MTUS2: variants seen among roughly 807,000 people sequenced by gnomAD.
The protein encoded by MTUS2 is microtubule associated scaffold protein 2.
Under a neutral mutation model 114.1 loss-of-function variants are expected in MTUS2, and 40 were observed. The ratio of observed to expected loss-of-function variants is 0.35; its 90% CI spans 0.27 to 0.46. MTUS2 has a LOEUF of 0.46. MTUS2 is among the 20% of genes least tolerant of loss of function. MTUS2 has a pLI of 1.00. For synonymous variants in MTUS2, 688 were observed against 672.0 expected, an observed-to-expected ratio of 1.02 and a Z score of -0.37; for missense variants, 1,679 against 1,705.4, an observed-to-expected ratio of 0.98 and a Z score of 0.27.
At chr13:28,844,186 G>T (rs1329347853) in intron 2 of MTUS2, among the ~76,000 whole-genome samples, 1 of 152,192 alleles carries the variant, frequency 6.6e-6, no homozygotes, top group Non-Finnish European at 1.5e-5. Flanking sequence ...GTGATTTCCT[G>T]GGGCAGAAGC....
chr13:29,147,763 A>G (rs1892496716), intron 5 of MTUS2, among the ~76,000 whole-genome samples: 4 of 152,214 alleles, frequency 2.6e-5, no homozygotes, highest in Non-Finnish European at 4.4e-5. Flanking sequence ...TGCAAAGGAC[A>G]TGATTCTGTT....
chr13:28,848,302 G>A (rs1876021858), intron 2 of MTUS2, among the ~76,000 whole-genome samples: 1 of 152,162 alleles, frequency 6.6e-6, no homozygotes, highest in Non-Finnish European at 1.5e-5. Flanking sequence ...AAACACAGAG[G>A]TGGGACTCAC....
At chr13:29,121,461 G>A (rs1302489060) in intron 5 of MTUS2, among the ~76,000 whole-genome samples, 1 of 146,846 alleles carries the variant, frequency 6.8e-6, no homozygotes, top group Admixed American at 6.8e-5. Context: ...ACACACACAT[G>A]CAAGAGATAG....
intron 2 of MTUS2, among the ~76,000 whole-genome samples, chr13:29,007,648 C>T (rs539259592): frequency 1.3e-5 from 2 of 152,210 alleles, no homozygotes; most frequent in East Asian, 1.9e-4. Context: ...GCCTACTCAA[C>T]GTGAAGATGA....
At chr13:29,389,547 G>C (rs540406763) in intron 8 of MTUS2, among the ~76,000 whole-genome samples, 1 of 95,152 alleles carries the variant, frequency 1.1e-5, no homozygotes, top group African/African-American at 4.4e-5. Context: ...GTGTGTATAT[G>C]TATACACGTG....
chr13:28,918,575 T>A (rs2138042943), intron 2 of MTUS2, among the ~76,000 whole-genome samples: 1 of 152,104 alleles, frequency 6.6e-6, no homozygotes, highest in Non-Finnish European at 1.5e-5. Flanking sequence ...AAGTGTGGTT[T>A]TTTTGTGTGT....
At chr13:28,841,980 C>T (rs747477271) in intron 2 of MTUS2, among the ~76,000 whole-genome samples, 5 of 152,168 alleles carry the variant, frequency 3.3e-5, no homozygotes, top group South Asian at 2.1e-4. Context: ...CCACCGCGCC[C>T]GGCCAAAGTT....
intron 7 of MTUS2, among the ~76,000 whole-genome samples, chr13:29,341,908 T>C (rs1192754955): frequency 4.6e-5 from 7 of 152,152 alleles, no homozygotes; most frequent in Non-Finnish European, 1.0e-4. Context: ...GAATAGGGTG[T>C]CCTTTCTCCA....
intron 3 of MTUS2, among the ~76,000 whole-genome samples, chr13:29,031,970 G>C (rs1006074858): frequency 6.6e-6 from 1 of 151,994 alleles, no homozygotes; most frequent in African/African-American, 2.4e-5. Context: ...TGAAATCATA[G>C]GGTTCTTTTG....
intron 2 of MTUS2, among the ~76,000 whole-genome samples, chr13:28,937,340 A>G (rs1881960435): frequency 6.6e-6 from 1 of 151,500 alleles, no homozygotes; most frequent in South Asian, 2.1e-4. Flanking sequence ...AAATGGACCA[A>G]TCAGTGCTCT....
chr13:29,471,546 T>C (rs1211023221), intron 9 of MTUS2, among the ~76,000 whole-genome samples: 1 of 152,098 alleles, frequency 6.6e-6, no homozygotes, highest in East Asian at 1.9e-4. Context: ...CAACTGTCCT[T>C]GCCCACTGCT....
At chr13:29,162,450 G>C (rs1893139516) in intron 5 of MTUS2, among the ~76,000 whole-genome samples, 1 of 152,130 alleles carries the variant, frequency 6.6e-6, no homozygotes, top group Non-Finnish European at 1.5e-5. Context: ...GCAAAGAGCA[G>C]AATCTCACTA....
At chr13:29,304,259 A>T (rs1899336995) in intron 6 of MTUS2, among the ~76,000 whole-genome samples, 1 of 152,200 alleles carries the variant, frequency 6.6e-6, no homozygotes, top group Non-Finnish European at 1.5e-5. Context: ...AACTAGCATC[A>T]TGATGACAGG....
chr13:29,164,251 C>T (rs1447939645), intron 5 of MTUS2, among the ~76,000 whole-genome samples: 1 of 152,228 alleles, frequency 6.6e-6, no homozygotes, highest in Non-Finnish European at 1.5e-5. Context: ...GGAGGGCTCC[C>T]TTCTCGCTCT....
chr13:28,915,357 T>G (rs548354334), intron 2 of MTUS2, among the ~76,000 whole-genome samples: 4 of 152,050 alleles, frequency 2.6e-5, no homozygotes, highest in African/African-American at 9.6e-5. Flanking sequence ...TTTTAGTTTC[T>G]TTGAGGAAAC....
rs377687649 is a variant in MTUS2, at chr13:29,492,658, C to T, written c.3518C>T (p.Thr1173Ile). The T allele has an allele frequency of 6.2e-7, 1 of 1,613,432 alleles. No individual in the cohort carries two copies. The highest frequency in any genetic ancestry group is 2.2e-5 in the East Asian group (1 of 44,874). The change falls in exon 12 of 16, where the codon ACT (threonine) becomes ATT (isoleucine). Residue 1173 changes from threonine to isoleucine, a missense_variant. This residue lies in a region of MTUS2 where 822 missense variants were observed against 899.7 expected (regional missense o/e 0.91). Coordinates refer to ENST00000612955, the MANE Select transcript of MTUS2 (RefSeq NM_001033602.4). ...HDHKVQELMS[T>I]HELEKKELEE... Reference sequence around the variant, plus strand: ...GTCTTCTTTCCAGAATTGATGTCCACTCATGAGCTTGAAAAGAAAGAATTG... The same window carrying T: ...GTCTTCTTTCCAGAATTGATGTCCATTCATGAGCTTGAAAAGAAAGAATTG...
chr13:29,181,081 C>T lies in MTUS2; in HGVS notation c.2644+80111C>T, dbSNP rs557790201. Among the ~76,000 whole-genome samples the T allele has an allele frequency of 1.1e-4, 16 of 152,116 alleles. No individual in the cohort carries two copies. The East Asian group carries it at 1.5e-3, about 15-fold the overall frequency. Reference sequence around the variant, plus strand: ...ACAATATGGCAATTCTTCCCCTTTTCGCCATTTCAAAAGCCTTGGCGAATG... The same window carrying T: ...ACAATATGGCAATTCTTCCCCTTTTTGCCATTTCAAAAGCCTTGGCGAATG... On this transcript the variant is annotated intron_variant, in intron 5 of 15. Transcript: ENST00000612955.
At chr13:29,124,432 A>G (rs1481329661) in intron 5 of MTUS2, among the ~76,000 whole-genome samples, 2 of 152,220 alleles carry the variant, frequency 1.3e-5, no homozygotes, top group African/African-American at 2.4e-5. Context: ...CCAGAAAATA[A>G]CAAGTGTTGG....
At chr13:29,257,725 A>G (rs1397893773) in intron 5 of MTUS2, among the ~76,000 whole-genome samples, 1 of 152,226 alleles carries the variant, frequency 6.6e-6, no homozygotes, top group African/African-American at 2.4e-5. Context: ...CATGTCAGGG[A>G]CTCTGCTGGA....
Sources: allele counts gnomAD v4.1 joint callset (sites outside exome capture counted in the v4.1 genomes callset), GRCh38; gene constraint gnomAD v4.1.1; regional missense constraint gnomAD v4.1.1; transcripts MANE v1.5; gene names NCBI Gene and HGNC (gene_info 2026-07-23, HGNC 2026-07-21).